The following SPOCK3 variants were observed in gnomAD, a reference collection of about 807,000 sequenced individuals.
SPOCK3 encodes the protein testican-3.
Under a neutral mutation model 56.6 loss-of-function variants are expected in SPOCK3, and 30 were observed. The observed-to-expected ratio is 0.53, with a 90% CI of 0.40 to 0.72. SPOCK3 has a LOEUF of 0.72. Ranked by LOEUF, SPOCK3 falls within the 30% of genes least tolerant of loss-of-function variation. SPOCK3 has a pLI of 0.00. For missense variants in SPOCK3, 527 were observed against 530.0 expected, an observed-to-expected ratio of 0.99 and a Z score of 0.06; for synonymous variants, 196 against 183.3, an observed-to-expected ratio of 1.07 and a Z score of -0.56.
intron 3 of SPOCK3, among the ~76,000 whole-genome samples, chr4:167,021,582 T>C (rs986290658): frequency 2.6e-4 from 39 of 151,968 alleles, no homozygotes; most frequent in Admixed American, 7.2e-4. Flanking sequence ...AGTTCCCACA[T>C]CCCTACCCCT....
intron 6 of SPOCK3, among the ~76,000 whole-genome samples, chr4:166,860,742 T>C (rs1228321995): frequency 7.5e-6 from 1 of 133,932 alleles, no homozygotes; most frequent in Admixed American, 7.9e-5. Flanking sequence ...TTTCAGAACC[T>C]CCCACTACAT....
At chr4:167,150,452 C>T (rs1310274439) in intron 2 of SPOCK3, among the ~76,000 whole-genome samples, 1 of 151,404 alleles carries the variant, frequency 6.6e-6, no homozygotes, top group Non-Finnish European at 1.5e-5. Flanking sequence ...TAGGGAAAGG[C>T]GAGGTTGAAA....
At chr4:166,770,758 G>A (rs1380149467) in intron 7 of SPOCK3, among the ~76,000 whole-genome samples, 1 of 152,052 alleles carries the variant, frequency 6.6e-6, no homozygotes, top group African/African-American at 2.4e-5. Context: ...CAAACTCAAT[G>A]CTATGCTGTC....
chr4:167,062,725 CA>C, intron 2 of SPOCK3, 188 bp from the exon 3 acceptor site: 1 of 543,146 alleles, frequency 1.8e-6, no homozygotes, highest in Non-Finnish European at 3.3e-6. Context: ...GAATAGTTAT[CA>C]AAAAGGAACA....
At chr4:166,769,194 G>A (rs1738572850) in intron 7 of SPOCK3, among the ~76,000 whole-genome samples, 1 of 152,158 alleles carries the variant, frequency 6.6e-6, no homozygotes, top group African/African-American at 2.4e-5. Flanking sequence ...ACTCGTCAAA[G>A]TTATTCGCTG....
intron 2 of SPOCK3, among the ~76,000 whole-genome samples, chr4:167,148,978 G>T (rs1276050418): frequency 6.6e-6 from 1 of 152,068 alleles, no homozygotes; most frequent in Non-Finnish European, 1.5e-5. Context: ...TTTGAAGGAT[G>T]TATTAATTTG....
intron 2 of SPOCK3, among the ~76,000 whole-genome samples, chr4:167,159,774 A>G (rs1026643479): frequency 6.6e-6 from 1 of 152,204 alleles, no homozygotes; most frequent in Non-Finnish European, 1.5e-5. Context: ...ATATAAACAG[A>G]ACTAAAGACA....
At chr4:167,003,406 C>CTGT (rs1749144737) in intron 3 of SPOCK3, among the ~76,000 whole-genome samples, 1 of 152,180 alleles carries the variant, frequency 6.6e-6, no homozygotes, top group African/African-American at 2.4e-5. Flanking sequence ...GTAGAACTCA[C>CTGT]ATTGTTGGCA....
At chr4:167,181,086 T>C (rs535986844) in intron 2 of SPOCK3, among the ~76,000 whole-genome samples, 1 of 152,294 alleles carries the variant, frequency 6.6e-6, no homozygotes, top group East Asian at 1.9e-4. Flanking sequence ...GACTTCCAAA[T>C]GTATACCTCT....
chr4:167,221,468 G>T (rs181325739), intron 2 of SPOCK3, among the ~76,000 whole-genome samples: 1 of 152,062 alleles, frequency 6.6e-6, no homozygotes, highest in Non-Finnish European at 1.5e-5. Flanking sequence ...AAAAAAACAT[G>T]GTCTTTAGAG....
intron 2 of SPOCK3, among the ~76,000 whole-genome samples, chr4:167,090,643 A>G (rs1280473505): frequency 1.3e-5 from 2 of 152,020 alleles, no homozygotes; most frequent in Non-Finnish European, 2.9e-5. Flanking sequence ...AGCTGGGATT[A>G]CAGGCATGCA....
intron 6 of SPOCK3, among the ~76,000 whole-genome samples, chr4:166,868,742 C>T (rs1732137569): frequency 6.6e-6 from 1 of 152,138 alleles, no homozygotes; most frequent in African/African-American, 2.4e-5. Flanking sequence ...ATTTTCTTCA[C>T]TTAATCCCGC....
At chr4:167,017,240 C>T (rs912881618) in intron 3 of SPOCK3, among the ~76,000 whole-genome samples, 1 of 152,036 alleles carries the variant, frequency 6.6e-6, no homozygotes, top group Admixed American at 6.6e-5. Flanking sequence ...TTACTGTTAC[C>T]ATTTGTACAG....
intron 2 of SPOCK3, among the ~76,000 whole-genome samples, chr4:167,065,599 G>C (rs1447846611): frequency 1.3e-5 from 2 of 151,732 alleles, no homozygotes; most frequent in Non-Finnish European, 2.9e-5. Flanking sequence ...GAAATGCAAA[G>C]TAGTCCCACT....
intron 2 of SPOCK3, among the ~76,000 whole-genome samples, chr4:167,184,572 T>C (rs189248198): frequency 1.3e-5 from 2 of 152,338 alleles, no homozygotes; most frequent in East Asian, 3.9e-4. Context: ...ATCTCCATTT[T>C]ATAGGTTAGA....
intron 3 of SPOCK3, among the ~76,000 whole-genome samples, chr4:167,014,225 T>C (rs1457317745): frequency 2.6e-5 from 4 of 151,868 alleles, no homozygotes; most frequent in Non-Finnish European, 5.9e-5. Flanking sequence ...AAAATCCTTT[T>C]GACTCTAAAC....
intron 2 of SPOCK3, among the ~76,000 whole-genome samples, chr4:167,135,065 T>C (rs981225429): frequency 1.9e-4 from 28 of 149,848 alleles, no homozygotes; most frequent in South Asian, 6.2e-4. Flanking sequence ...CTCAAACACA[T>C]ATAAATATAA....
At chr4:166,823,471 C>T (rs539526622) in intron 6 of SPOCK3, among the ~76,000 whole-genome samples, 1 of 151,996 alleles carries the variant, frequency 6.6e-6, no homozygotes, top group Non-Finnish European at 1.5e-5. Flanking sequence ...TATTGCAATA[C>T]TTAGCTTATG....
chr4:166,735,570 C>A (rs1463364802), intron 10 of SPOCK3, among the ~76,000 whole-genome samples: 1 of 151,820 alleles, frequency 6.6e-6, no homozygotes, highest in Non-Finnish European at 1.5e-5. Flanking sequence ...CAGGTGGATC[C>A]AAATTGTCAC....
Sources: gnomAD v4.1 joint callset for allele counts (sites outside exome capture counted in the v4.1 genomes callset) on GRCh38, gnomAD v4.1.1 for gene constraint, MANE v1.5 for transcripts, NCBI Gene and HGNC (gene_info 2026-07-23, HGNC 2026-07-21) for gene names.